The following NOP58 variants were observed in gnomAD, a reference collection of about 807,000 sequenced individuals.
NOP58 encodes nucleolar protein 58.
Under a neutral mutation model 71.2 loss-of-function variants are expected in NOP58, and 44 were observed. The observed-to-expected ratio is 0.62, with a 90% CI of 0.49 to 0.79. The LOEUF is 0.79. Ranked by LOEUF, NOP58 falls within the 30% of genes least tolerant of loss-of-function variation. The pLI is 0.00. For missense variants in NOP58, 538 were observed against 620.2 expected (o/e 0.87, Z 1.41); for synonymous variants, 228 against 200.3 (o/e 1.14, Z -1.17).
At chr2:202,295,410 A>G (rs1406940300) in intron 9 of NOP58, among the ~76,000 whole-genome samples, 3 of 152,236 alleles carry the variant, frequency 2.0e-5, no homozygotes, top group African/African-American at 7.2e-5. Context: ...TAGTACTGCC[A>G]TCTCTCAGGT....
intron 1 of NOP58, among the ~76,000 whole-genome samples, chr2:202,272,238 G>GC (rs1243196873): frequency 7.2e-6 from 1 of 138,326 alleles, no homozygotes; most frequent in Admixed American, 8.5e-5. Flanking sequence ...TGCAGGCTCC[G>GC]CCCCCTGGGG....
rs565895806 is a variant in NOP58, at chr2:202,265,777, G to T, written c.-165G>T. 7 of 686,602 alleles carry T rather than the reference G, an allele frequency of 1.0e-5. No individual in the cohort carries two copies. Among genetic ancestry groups the T allele is most frequent in the Admixed American group, 2.5e-5 (1 of 39,946 alleles). The allele number at this position is 686,602 out of a possible 1,614,324, so 42.5% of individuals were successfully genotyped here. ...GTTCGTGCGTCCTAGTTCCAGTACAGCGTGGAGGGTTTAGGCAGCGTGTTC... is the reference window on the plus strand; with the variant it reads ...GTTCGTGCGTCCTAGTTCCAGTACATCGTGGAGGGTTTAGGCAGCGTGTTC... On this transcript the variant is annotated 5_prime_UTR_variant, in exon 1 of 15. Transcript: ENST00000264279.
chr2:202,298,757 A>G (rs1168998238), intron 12 of NOP58, among the ~76,000 whole-genome samples: 1 of 152,180 alleles, frequency 6.6e-6, no homozygotes, highest in Non-Finnish European at 1.5e-5. Context: ...TCAGATTAAC[A>G]AAAGATTTGT....
chr2:202,265,859 C>G lies in NOP58; in HGVS notation c.-83C>G, dbSNP rs1688403819. On this transcript the variant is annotated 5_prime_UTR_variant, in exon 1 of 15. Coordinates refer to ENST00000264279, the MANE Select transcript of NOP58 (RefSeq NM_015934.5). ...GCTTTGCCCGCCGCGGCCTAGGAGG[C>G]CTTTTGAGGCCGCGTAGTCGGTGTT... 1 of 1,535,256 alleles carries G rather than the reference C, an allele frequency of 6.5e-7. No homozygotes were observed. The highest frequency in any genetic ancestry group is 1.4e-5 in the African/African-American group (1 of 73,400).
intron 5 of NOP58, 51 bp downstream of exon 5, chr2:202,284,532 T>G: frequency 3.2e-6 from 5 of 1,566,350 alleles, no homozygotes; most frequent in South Asian, 1.1e-5. Flanking sequence ...GATAAGCGCT[T>G]AACATAGATC....
chr2:202,287,439 A>C (rs1196717658), intron 5 of NOP58, among the ~76,000 whole-genome samples: 1 of 151,924 alleles, frequency 6.6e-6, no homozygotes, highest in Non-Finnish European at 1.5e-5. Flanking sequence ...TACAGAAATA[A>C]AGGTCGTAGC....
chr2:202,291,124 G>A lies in NOP58; in HGVS notation c.635-1G>A. ...CCTCATCCTCTGCAAACATTCCATA[G>A]GCGATAGGAAGAACTATGCCTCTGC... On this transcript the variant is annotated splice_acceptor_variant, in intron 7 of 14. Coordinates refer to ENST00000264279, the MANE Select transcript of NOP58 (RefSeq NM_015934.5). LOFTEE classifies it high-confidence loss of function. 6.3e-7 allele frequency: 1 copy of A among 1,599,666 alleles called. No individual in the cohort carries two copies. The highest frequency in any genetic ancestry group is 8.5e-7 in the Non-Finnish European group (1 of 1,175,778).
intron 1 of NOP58, among the ~76,000 whole-genome samples, chr2:202,274,209 C>A (rs748528308): frequency 5.9e-5 from 9 of 151,986 alleles, no homozygotes; most frequent in Non-Finnish European, 1.2e-4. Flanking sequence ...TGAAAGTAGA[C>A]AAAAGTTTTT....
At chr2:202,284,565 C>A in intron 5 of NOP58, 84 bp downstream of exon 5, 1 of 1,373,052 alleles carries the variant, frequency 7.3e-7, no homozygotes, top group Non-Finnish European at 1.0e-6. Context: ...GTTACAAATG[C>A]TCATTTGAAC....
intron 1 of NOP58, among the ~76,000 whole-genome samples, chr2:202,266,645 C>T (rs760056232): frequency 9.9e-5 from 15 of 152,158 alleles, no homozygotes; most frequent in African/African-American, 3.6e-4. Flanking sequence ...GAGGAATGAC[C>T]TGCTAATTTG....
At chr2:202,279,904 C>A (rs1405743625) in intron 3 of NOP58, among the ~76,000 whole-genome samples, 1 of 152,172 alleles carries the variant, frequency 6.6e-6, no homozygotes, top group Non-Finnish European at 1.5e-5. Context: ...AGAGACTGTT[C>A]TGTACTGTCA....
chr2:202,280,153 C>T (rs1688676225), intron 3 of NOP58, among the ~76,000 whole-genome samples: 1 of 152,064 alleles, frequency 6.6e-6, no homozygotes, highest in Admixed American at 6.6e-5. Context: ...CATGACAGAA[C>T]CACAACTAAA....
intron 4 of NOP58, among the ~76,000 whole-genome samples, chr2:202,282,995 C>A (rs769545078): frequency 1.3e-5 from 2 of 152,112 alleles, no homozygotes; most frequent in Admixed American, 1.3e-4. Flanking sequence ...AGGAGTATCA[C>A]GAGGTCAGCA....
intron 6 of NOP58, among the ~76,000 whole-genome samples, chr2:202,288,043 G>A (rs1688822509): frequency 6.6e-6 from 1 of 152,158 alleles, no homozygotes. Flanking sequence ...GAACCCAGGA[G>A]GCGGAGGTTG....
At chr2:202,303,091 GA>G in intron 14 of NOP58, 34 bp downstream of exon 14, 1 of 1,599,608 alleles carries the variant, frequency 6.3e-7, no homozygotes, top group Non-Finnish European at 8.5e-7. Context: ...TTTTCACTTG[GA>G]GGGGCCAGTT....
At chr2:202,275,068 TCACCTGTAC>T (rs754276085) in intron 1 of NOP58, 36 bp from the exon 2 acceptor site, 7 of 931,552 alleles carry the variant, frequency 7.5e-6, no homozygotes, top group South Asian at 3.0e-5. Context: ...TGTATATGCC[TCACCTGTAC>T]CATTTAAATA....
At chr2:202,278,573 CAG>C (rs1022532560) in intron 3 of NOP58, among the ~76,000 whole-genome samples, 4 of 152,236 alleles carry the variant, frequency 2.6e-5, no homozygotes, top group African/African-American at 9.6e-5. Flanking sequence ...CACGGGACAA[CAG>C]AGTGATCGGG....
Position 202,265,911 on chromosome 2 carries a change from A to G in NOP58, c.-31A>G, listed in dbSNP as rs563869366. 223 of 1,614,094 alleles carry G rather than the reference A, an allele frequency of 1.4e-4. 5 individuals are homozygous for G. In the South Asian group the frequency reaches 2.2e-3, roughly 16 times the overall value. On this transcript the variant is annotated 5_prime_UTR_variant, in exon 1 of 15. Coordinates refer to ENST00000264279, the MANE Select transcript of NOP58 (RefSeq NM_015934.5). The stretch of plus-strand genomic sequence containing the variant: ...TTGAACTGACTCTACAGCTTCTGGC[A>G]GGCCGTGCGGCGCCCTGACCCGGCC...
At chr2:202,275,242 AT>A (rs1195993729) in intron 2 of NOP58, 53 bp downstream of exon 2, 9 of 852,042 alleles carry the variant, frequency 1.1e-5, no homozygotes, top group Non-Finnish European at 1.7e-5. Context: ...GGCTTGTTTT[AT>A]TTTTTACATT....
Sources: gnomAD v4.1 joint callset for allele counts (sites outside exome capture counted in the v4.1 genomes callset) on GRCh38, gnomAD v4.1.1 for gene constraint, MANE v1.5 for transcripts, NCBI Gene and HGNC (gene_info 2026-07-23, HGNC 2026-07-21) for gene names.